The following TAFA2 variants were observed in gnomAD, a reference collection of about 807,000 sequenced individuals.
The protein encoded by TAFA2 is chemokine-like protein TAFA-2.
TAFA2 carries 7 observed loss-of-function variants against 18.8 expected under a neutral mutation model. The observed-to-expected ratio is 0.37, with a 90% CI of 0.21 to 0.70. The LOEUF (loss-of-function observed/expected upper bound fraction) is 0.70. TAFA2 is among the 30% of genes least tolerant of loss of function. The probability of loss-of-function intolerance (pLI) is 0.53; values close to 1 mark genes in which losing one functional copy is unlikely to be tolerated. For missense variants in TAFA2, 122 were observed against 158.1 expected (o/e 0.77, Z 1.23); for synonymous variants, 60 against 54.2 (o/e 1.11, Z -0.47).
At chr12:61,799,035 C>T (rs1184739876) in intron 2 of TAFA2, among the ~76,000 whole-genome samples, 2 of 152,172 alleles carry the variant, frequency 1.3e-5, no homozygotes, top group Non-Finnish European at 2.9e-5. Flanking sequence ...GAAAATATAG[C>T]TTCCTTTATC....
At chr12:61,895,591 C>G (rs1285883395) in intron 1 of TAFA2, among the ~76,000 whole-genome samples, 1 of 152,144 alleles carries the variant, frequency 6.6e-6, no homozygotes, top group Admixed American at 6.5e-5. Flanking sequence ...GACCCATGTT[C>G]CCAAGAATAA....
intron 1 of TAFA2, among the ~76,000 whole-genome samples, chr12:61,883,029 C>T (rs1875216716): frequency 6.6e-6 from 1 of 152,178 alleles, no homozygotes; most frequent in Admixed American, 6.5e-5. Flanking sequence ...GATCATTTAA[C>T]AAACGTTATT....
intron 1 of TAFA2, among the ~76,000 whole-genome samples, chr12:62,060,848 A>C (rs956409470): frequency 5.9e-5 from 9 of 152,128 alleles, no homozygotes; most frequent in African/African-American, 2.2e-4. Context: ...TTAAAAATAG[A>C]AAAAAGCTTA....
intron 2 of TAFA2, among the ~76,000 whole-genome samples, chr12:61,819,546 C>T (rs1436098506): frequency 7.9e-5 from 12 of 152,204 alleles, no homozygotes. Flanking sequence ...AAGTCAAAAA[C>T]TTGTTAGATA....
At chr12:61,737,872 AC>A (rs1401300097) in intron 4 of TAFA2, among the ~76,000 whole-genome samples, 1 of 152,030 alleles carries the variant, frequency 6.6e-6, no homozygotes, top group East Asian at 1.9e-4. Flanking sequence ...ATTATCCTTC[AC>A]AAAGCATAGA....
At chr12:62,238,530 T>C (rs1035305045) in intron 1 of TAFA2, among the ~76,000 whole-genome samples, 13 of 152,244 alleles carry the variant, frequency 8.5e-5, no homozygotes. Context: ...GTTCCTATTT[T>C]ACAAATGACA....
chr12:61,825,336 T>C (rs1471214632), intron 2 of TAFA2, among the ~76,000 whole-genome samples: 1 of 152,082 alleles, frequency 6.6e-6, no homozygotes, highest in Non-Finnish European at 1.5e-5. Flanking sequence ...GAAACGACTT[T>C]GAAGTTTAAA....
chr12:62,069,894 T>C (rs548197346), intron 1 of TAFA2, among the ~76,000 whole-genome samples: 1 of 152,340 alleles, frequency 6.6e-6, no homozygotes, highest in African/African-American at 2.4e-5. Context: ...ATGTTTGCTA[T>C]AGCCAATGTA....
chr12:62,063,812 A>C (rs530609968), intron 1 of TAFA2, among the ~76,000 whole-genome samples: 1 of 152,010 alleles, frequency 6.6e-6, no homozygotes, highest in African/African-American at 2.4e-5. Context: ...AATGAATCAA[A>C]ATATAAAGAA....
intron 4 of TAFA2, among the ~76,000 whole-genome samples, chr12:61,723,015 C>A (rs1869977665): frequency 6.6e-6 from 1 of 152,136 alleles, no homozygotes; most frequent in South Asian, 2.1e-4. Flanking sequence ...CCCAATGTCT[C>A]CACAAAACAT....
At chr12:61,758,308 G>A (rs1053608430) in intron 2 of TAFA2, among the ~76,000 whole-genome samples, 5 of 151,940 alleles carry the variant, frequency 3.3e-5, no homozygotes, top group African/African-American at 7.2e-5. Context: ...TTTTTTAAAC[G>A]GATGCTTTAA....
chr12:61,823,862 CA>C (rs1460891133), intron 2 of TAFA2, among the ~76,000 whole-genome samples: 1 of 152,066 alleles, frequency 6.6e-6, no homozygotes, highest in Non-Finnish European at 1.5e-5. Flanking sequence ...AACCACACAC[CA>C]AAAGTCTTTG....
intron 1 of TAFA2, among the ~76,000 whole-genome samples, chr12:62,158,142 A>G (rs1400609357): frequency 6.6e-6 from 1 of 152,216 alleles, no homozygotes; most frequent in African/African-American, 2.4e-5. Context: ...CACAATCAAC[A>G]TTCTATACTT....
At chr12:61,722,101 G>A (rs1685071368) in intron 4 of TAFA2, among the ~76,000 whole-genome samples, 1 of 152,142 alleles carries the variant, frequency 6.6e-6, no homozygotes, top group African/African-American at 2.4e-5. Flanking sequence ...TAAATCGTAT[G>A]TAAATTGGCT....
intron 1 of TAFA2, among the ~76,000 whole-genome samples, chr12:61,876,122 G>A (rs1592453133): frequency 6.6e-6 from 1 of 151,954 alleles, no homozygotes; most frequent in East Asian, 1.9e-4. Flanking sequence ...CTTTTATAAT[G>A]CAAATAATAA....
intron 1 of TAFA2, among the ~76,000 whole-genome samples, chr12:62,116,139 C>T (rs140320725): frequency 4.6e-5 from 7 of 152,292 alleles, no homozygotes; most frequent in South Asian, 4.1e-4. Context: ...ACTTCAAATA[C>T]GTACAGTGTG....
chr12:62,051,362 C>A (rs1370094256), intron 1 of TAFA2, among the ~76,000 whole-genome samples: 1 of 152,146 alleles, frequency 6.6e-6, no homozygotes, highest in Non-Finnish European at 1.5e-5. Flanking sequence ...AATAACCTCA[C>A]TTCACAAGTC....
At position 61,908,041 on chromosome 12, in the gene TAFA2, G is replaced by C. The variant is rs1592477329; in HGVS notation, c.-1-40615C>G. 2.6e-5 allele frequency among the ~76,000 whole-genome samples: 4 copies of C among 152,162 alleles called. No homozygotes were observed. The South Asian group carries it at 8.3e-4, about 32-fold the overall frequency. ...ATTTTATGGGCTCATAGGCAGAAGG[G>C]ACTGCCTTGTCTCAGATGAGACTTT... On this transcript the variant is annotated intron_variant, in intron 1 of 4. Coordinates refer to ENST00000416284, the MANE Select transcript of TAFA2 (RefSeq NM_178539.5).
At chr12:62,072,912 C>T (rs1388231983) in intron 1 of TAFA2, among the ~76,000 whole-genome samples, 1 of 152,190 alleles carries the variant, frequency 6.6e-6, no homozygotes, top group African/African-American at 2.4e-5. Flanking sequence ...CCTAGGATGA[C>T]TTATTCTTTT....
Sources: gnomAD v4.1 joint callset for allele counts (sites outside exome capture counted in the v4.1 genomes callset) on GRCh38, gnomAD v4.1.1 for gene constraint, MANE v1.5 for transcripts, NCBI Gene and HGNC (gene_info 2026-07-23, HGNC 2026-07-21) for gene names.